Variants in SPTA1 observed in about 807,000 individuals in gnomAD.
The protein encoded by SPTA1 is spectrin alpha chain, erythrocytic 1.
A neutral mutation model predicts 324.7 loss-of-function variants in SPTA1; 177 were observed. The ratio of observed to expected loss-of-function variants is 0.55; its 90% CI spans 0.48 to 0.62. SPTA1 has a LOEUF of 0.62. Among genes scored for constraint, SPTA1 ranks in the 20% least tolerant of loss-of-function variants. The pLI is 0.00. For synonymous variants in SPTA1, 1,195 were observed against 1,041.3 expected, an observed-to-expected ratio of 1.15 and a Z score of -2.84; for missense variants, 3,162 against 2,883.6, an observed-to-expected ratio of 1.10 and a Z score of -2.21.
intron 24 of SPTA1, among the ~76,000 whole-genome samples, chr1:158,650,986 T>C (rs1479183144): frequency 6.6e-6 from 1 of 152,210 alleles, no homozygotes; most frequent in East Asian, 1.9e-4. Context: ...ACAGCTATGA[T>C]GTAAATCTAA....
chr1:158,627,225 A>T (rs537253628), intron 40 of SPTA1, among the ~76,000 whole-genome samples: 97 of 152,250 alleles, frequency 6.4e-4, no homozygotes, highest in African/African-American at 1.5e-3. Flanking sequence ...AACTACATTT[A>T]AAAAAAGGAA....
intron 2 of SPTA1, among the ~76,000 whole-genome samples, chr1:158,684,092 GAA>G (rs1439916095): frequency 2.3e-3 from 20 of 8,686 alleles, no homozygotes; most frequent in Non-Finnish European, 0.016. Flanking sequence ...GCAATTTAGG[GAA>G]GAAAAAAAAA....
Position 158,617,602 on chromosome 1 carries a change from G to A in SPTA1, c.6549-14C>T, listed in dbSNP as rs200871384. Reference sequence around the variant, plus strand: ...TTGAGCAATGATCTAGTTAAGAACCGAAGGAAATCATTATGCATCACATCA... The same window carrying A: ...TTGAGCAATGATCTAGTTAAGAACCAAAGGAAATCATTATGCATCACATCA... On this transcript the variant is annotated splice_polypyrimidine_tract_variant and intron_variant, in intron 46 of 51. Coordinates refer to ENST00000643759, the MANE Select transcript of SPTA1 (RefSeq NM_003126.4). The A allele has an allele frequency of 1.6e-5, 25 of 1,606,466 alleles. No homozygotes were observed. Among genetic ancestry groups the A allele is most frequent in the African/African-American group, 2.7e-5 (2 of 74,772 alleles).
intron 51 of SPTA1, 36 bp downstream of exon 51, chr1:158,612,781 A>T (rs759999957): frequency 1.2e-6 from 2 of 1,612,696 alleles, no homozygotes; most frequent in African/African-American, 2.7e-5. Context: ...TCAAATTAGG[A>T]TGACAGTGTA....
chr1:158,665,134 A>G (rs1197129443), intron 16 of SPTA1, among the ~76,000 whole-genome samples: 3 of 152,130 alleles, frequency 2.0e-5, no homozygotes, highest in Admixed American at 1.3e-4. Context: ...ACACACTCCT[A>G]TTTCTTAAGC....
Position 158,662,846 on chromosome 1 carries a change from G to A in SPTA1, c.2320C>T (p.Arg774Ter), listed in dbSNP as rs751026146. ...AGTGGCTCTTTCAGAGCTTCAAATC[G>A]GCATACCAAGGACTCTTGCCTTGCC... ...IRARQESLVC[R>*]FEALKEPLAT... The change falls in exon 17 of 52, where the codon CGA becomes TGA. Residue 774 changes from arginine (R) to a stop codon, truncating the protein, a stop_gained. Coordinates refer to ENST00000643759, the MANE Select transcript of SPTA1 (RefSeq NM_003126.4). LOFTEE classifies it high-confidence loss of function. The A allele has an allele frequency of 6.2e-6, 10 of 1,613,888 alleles. No homozygotes were observed. The highest frequency in any genetic ancestry group is 7.6e-6 in the Non-Finnish European group (9 of 1,179,980).
chr1:158,633,753 G>A (rs1650856672), intron 39 of SPTA1, among the ~76,000 whole-genome samples: 1 of 151,992 alleles, frequency 6.6e-6, no homozygotes, highest in African/African-American at 2.4e-5. Context: ...GCCTTAAAAT[G>A]CTTGAACATG....
At chr1:158,680,100 ATAAAAG>A (rs954787385) in intron 5 of SPTA1, among the ~76,000 whole-genome samples, 7 of 152,194 alleles carry the variant, frequency 4.6e-5, no homozygotes, top group African/African-American at 1.7e-4. Context: ...TCTTAAGTAA[ATAAAAG>A]TAAAACCGCT....
chr1:158,634,082 G>A (rs190855116), intron 39 of SPTA1, among the ~76,000 whole-genome samples: 1 of 152,260 alleles, frequency 6.6e-6, no homozygotes, highest in Non-Finnish European at 1.5e-5. Context: ...GCATTTAAAA[G>A]GATGTCTATA....
intron 7 of SPTA1, 90 bp from the exon 8 acceptor site, chr1:158,676,385 GAAT>G (rs1342923888): frequency 2.2e-6 from 3 of 1,349,918 alleles, no homozygotes; most frequent in East Asian, 2.3e-5. Context: ...AAAATCATAT[GAAT>G]AATAATAATT....
intron 45 of SPTA1, among the ~76,000 whole-genome samples, chr1:158,618,999 A>G (rs1262580928): frequency 6.6e-6 from 1 of 152,252 alleles, no homozygotes; most frequent in Non-Finnish European, 1.5e-5. Flanking sequence ...AGAATACAGA[A>G]GTGTACATAA....
In SPTA1 at chr1:158,612,970, G is replaced by T. The variant is rs776333123; in HGVS notation, c.6990-9C>A. On this transcript the variant is annotated splice_polypyrimidine_tract_variant and intron_variant, in intron 50 of 51. Transcript: ENST00000643759. ...GTGAGACATAGCCCTTCCTGTGGGA[G>T]AAATGGATCAGGAGCTGAGCCTTCT... The T allele has an allele frequency of 2.5e-6, 4 of 1,613,570 alleles. No homozygotes were observed. The South Asian group carries it at 3.3e-5, about 13-fold the overall frequency.
intron 47 of SPTA1, 30 bp downstream of exon 47, chr1:158,617,507 A>T (rs759877477): frequency 8.1e-6 from 13 of 1,598,118 alleles, no homozygotes; most frequent in Non-Finnish European, 8.6e-7. Flanking sequence ...TTTTGGCAAT[A>T]TCTTCAGTTA....
rs1390299595 is a variant in SPTA1, at chr1:158,620,469, G to A, written c.6121-3C>T. 6.2e-7 allele frequency: 1 copy of A among 1,612,322 alleles called. No individual in the cohort carries two copies. Among genetic ancestry groups the A allele is most frequent in the South Asian group, 1.1e-5 (1 of 91,004 alleles). On this transcript the variant is annotated splice_polypyrimidine_tract_variant and splice_region_variant and intron_variant, in intron 43 of 51. Coordinates refer to ENST00000643759, the MANE Select transcript of SPTA1 (RefSeq NM_003126.4). ...AATTCCACGAACAGGTCCTCAGCCT[G>A]CAGAGAGAAAAAAAAGACACTACCA...
rs767324794 is a variant in SPTA1, at chr1:158,653,315, C to T, written c.3147G>A (p.Glu1049=). 1.2e-6 allele frequency: 2 copies of T among 1,614,122 alleles called. No homozygotes were observed. The highest frequency in any genetic ancestry group is 1.7e-6 in the Non-Finnish European group (2 of 1,180,028). The change falls in exon 22 of 52, where the codon GAG becomes GAA. Residue 1049 remains glutamate, a synonymous_variant. Transcript: ENST00000643759. ...CCTGGCGCTGGGTGATGTTTCCTGG[C>T]TCTTCTCGTCGCCGCTGTGGGAGCA... The part of the protein sequence containing the change: ...FPMLPQRRRE[E]PGNITQRQEQ...
At chr1:158,676,906 A>G (rs544822225) in intron 7 of SPTA1, among the ~76,000 whole-genome samples, 4 of 152,296 alleles carry the variant, frequency 2.6e-5, no homozygotes, top group African/African-American at 7.2e-5. Flanking sequence ...TTATTTGTCA[A>G]CTTATGGGTT....
At chr1:158,664,631 G>C (rs857679) in intron 16 of SPTA1, among the ~76,000 whole-genome samples, 97,543 of 152,108 alleles carry the variant, frequency 0.64, 32,587 homozygotes, top group African/African-American at 0.85. Flanking sequence ...CAAACCTGCA[G>C]TTTTTGCACA....
chr1:158,651,394 T>C lies in SPTA1; in HGVS notation c.3450A>G (p.Leu1150=). ...GCCGGATTTGAGCTCCTTCTGGTGTTAGAAGTCCTTCAAATAGTAGATCAT... is the reference window on the plus strand; with the variant it reads ...GCCGGATTTGAGCTCCTTCTGGTGTCAGAAGTCCTTCAAATAGTAGATCAT... ...VADDLLFEGL[L]TPEGAQIRQE... The change falls in exon 24 of 52, where the codon CTA becomes CTG. Residue 1150 remains leucine, a synonymous_variant. Transcript: ENST00000643759. 1 of 1,613,864 alleles carries C rather than the reference T, an allele frequency of 6.2e-7. No homozygotes were observed. The highest frequency in any genetic ancestry group is 8.5e-7 in the Non-Finnish European group (1 of 1,179,786).
rs766668543 is a variant in SPTA1 at position 158,668,046 on chromosome 1, T to G, written c.1850A>C (p.Lys617Thr). The G allele has an allele frequency of 1.9e-6, 3 of 1,610,734 alleles. No homozygotes were observed. Among genetic ancestry groups the G allele is most frequent in the Non-Finnish European group, 2.5e-6 (3 of 1,179,644 alleles). ...GACTTGCTGCTTTTGAACCCTGCTCTTCAAGTTCTGTATGTCCTGAGATAA... is the reference window on the plus strand; with the variant it reads ...GACTTGCTGCTTTTGAACCCTGCTCGTCAAGTTCTGTATGTCCTGAGATAA... ...DEDYKDIQNL[K>T]SRVQKQQVFE... is the part of the protein sequence containing the mutation. The change falls in exon 15 of 52, where the codon AAG (lysine) becomes ACG (threonine). Residue 617 changes from lysine (K) to threonine (T), a missense_variant. Physicochemically the swap from Lys to Thr is moderately conservative, Grantham distance 78. Coordinates refer to ENST00000643759, the MANE Select transcript of SPTA1 (RefSeq NM_003126.4).
Sources: allele counts gnomAD v4.1 joint callset (sites outside exome capture counted in the v4.1 genomes callset), GRCh38; gene constraint gnomAD v4.1.1; transcripts MANE v1.5; gene names NCBI Gene and HGNC (gene_info 2026-07-23, HGNC 2026-07-21).